Variants in NAV3 observed in about 807,000 individuals in gnomAD.
The protein encoded by NAV3 is neuron navigator 3.
In NAV3, 87 loss-of-function variants were observed where a neutral mutation model predicts 244.7. That is an observed-to-expected ratio of 0.36 (90% CI 0.30 to 0.42). The LOEUF (loss-of-function observed/expected upper bound fraction) is 0.42. NAV3 is among the 20% of genes least tolerant of loss of function. The pLI is 1.00. For missense variants in NAV3, 2,663 were observed against 2,893.3 expected (o/e 0.92, Z 1.83); for synonymous variants, 1,126 against 1,042.2 (o/e 1.08, Z -1.55).
In NAV3 at chr12:78,004,786, G is replaced by T. The variant is rs568183325; in HGVS notation, c.881-1633G>T. On this transcript the variant is annotated intron_variant, in intron 7 of 39. Transcript: ENST00000397909. Reference sequence around the variant, plus strand: ...AAGCATCTCATTGCCTCTGTATAGGGACAGGCTGTGGACAGATTTAGAGCG... The same window carrying T: ...AAGCATCTCATTGCCTCTGTATAGGTACAGGCTGTGGACAGATTTAGAGCG... Among the ~76,000 whole-genome samples, 89 of 152,244 alleles carry T rather than the reference G, an allele frequency of 5.8e-4. 2 individuals are homozygous for T. In the South Asian group the frequency reaches 0.017, roughly 30 times the overall value.
At chr12:77,840,280 T>C (rs1875412440) in intron 1 of NAV3, among the ~76,000 whole-genome samples, 1 of 152,278 alleles carries the variant, frequency 6.6e-6, no homozygotes, top group Non-Finnish European at 1.5e-5. Context: ...GGGCATTAAA[T>C]GCCATTGTAA....
intron 5 of NAV3, among the ~76,000 whole-genome samples, chr12:77,989,280 G>T (rs545637161): frequency 6.6e-6 from 1 of 152,230 alleles, no homozygotes; most frequent in Non-Finnish European, 1.5e-5. Flanking sequence ...AAACGGGATG[G>T]CAGTAATACT....
At chr12:78,154,313 G>GTATATATTGCTATATAATATTTTA in intron 22 of NAV3, among the ~76,000 whole-genome samples, 1 of 130,482 alleles carries the variant, frequency 7.7e-6, no homozygotes, top group Non-Finnish European at 1.6e-5. Flanking sequence ...ATAATATATA[G>GTATATATTGCTATATAATATTTTA]TATATATATA....
intron 1 of NAV3, among the ~76,000 whole-genome samples, chr12:77,901,582 T>C (rs1885298133): frequency 6.6e-6 from 1 of 151,952 alleles, no homozygotes; most frequent in African/African-American, 2.4e-5. Context: ...TGGTGACAGG[T>C]GCCTGTAATC....
intron 2 of NAV3, among the ~76,000 whole-genome samples, chr12:77,580,038 CATCACTG>C (rs1333872019): frequency 6.6e-6 from 1 of 152,124 alleles, no homozygotes; most frequent in African/African-American, 2.4e-5. Flanking sequence ...ACTCCTTTCT[CATCACTG>C]ACTTACTATG....
intron 2 of NAV3, among the ~76,000 whole-genome samples, chr12:77,752,385 C>G (rs1868904656): frequency 6.6e-6 from 1 of 152,046 alleles, no homozygotes; most frequent in Non-Finnish European, 1.5e-5. Context: ...CCTGAATGTA[C>G]AAATACCCAC....
At chr12:78,046,162 G>A (rs1232130043) in intron 9 of NAV3, among the ~76,000 whole-genome samples, 1 of 152,000 alleles carries the variant, frequency 6.6e-6, no homozygotes, top group Non-Finnish European at 1.5e-5. Context: ...TATCTATTTT[G>A]TTAATCTTTT....
chr12:78,177,150 T>C lies in NAV3; in HGVS notation c.5134T>C (p.Ser1712Pro). The C allele has an allele frequency of 6.2e-7, 1 of 1,613,410 alleles. No individual in the cohort carries two copies. Among genetic ancestry groups the C allele is most frequent in the South Asian group, 1.1e-5 (1 of 91,050 alleles). Residue 1712 changes from serine to proline, a missense_variant, in exon 27 of 40, where the codon TCT (serine) becomes CCT (proline). Physicochemically the swap from Ser to Pro is moderately conservative, Grantham distance 74 (BLOSUM62 -1). Around this residue, in one of 6 missense-constraint regions of NAV3, gnomAD observed 193 missense variants for 200.7 expected, o/e 0.96. Transcript: ENST00000397909. ...TCTGTCCTTGTTTCAGCTGAGAAGT[T>C]CTTTCAAACAAGCCTTTGGGAAGAA... ...VNSRGSELRS[S>P]FKQAFGKKKS...
intron 1 of NAV3, among the ~76,000 whole-genome samples, chr12:77,894,033 T>G (rs774853567): frequency 6.6e-6 from 1 of 152,186 alleles, no homozygotes; most frequent in African/African-American, 2.4e-5. Flanking sequence ...TCCTTGACCC[T>G]TACCTGGTTT....
chr12:77,808,782 G>A (rs1555207171), intron 2 of NAV3, among the ~76,000 whole-genome samples: 1 of 152,164 alleles, frequency 6.6e-6, no homozygotes. Flanking sequence ...CATAGCCCCC[G>A]CTTCCACCAG....
At chr12:78,203,840 C>CTTT (rs11457084) in intron 38 of NAV3, among the ~76,000 whole-genome samples, 8 of 142,550 alleles carry the variant, frequency 5.6e-5, no homozygotes, top group Non-Finnish European at 1.1e-4. Flanking sequence ...TAATATTATA[C>CTTT]TTTTTTTTTT....
At chr12:77,714,538 A>C (rs1041598391) in intron 2 of NAV3, among the ~76,000 whole-genome samples, 1 of 152,166 alleles carries the variant, frequency 6.6e-6, no homozygotes, top group Non-Finnish European at 1.5e-5. Context: ...TTACTCCGCC[A>C]GTAATTAATT....
intron 9 of NAV3, among the ~76,000 whole-genome samples, chr12:78,024,992 A>C (rs1049786888): frequency 6.6e-6 from 1 of 151,016 alleles, no homozygotes; most frequent in African/African-American, 2.4e-5. Context: ...AGGGGGAAAA[A>C]AAAAGCCACA....
At chr12:77,976,767 C>T (rs1868516787) in intron 5 of NAV3, among the ~76,000 whole-genome samples, 1 of 150,012 alleles carries the variant, frequency 6.7e-6, no homozygotes, top group Admixed American at 6.7e-5. Context: ...CAACCTTCCC[C>T]TCCCGGGTTC....
chr12:78,189,368 T>C lies in NAV3; in HGVS notation c.6055+591T>C, dbSNP rs60669525. 2.3e-3 allele frequency among the ~76,000 whole-genome samples: 357 copies of C among 151,974 alleles called. 11 individuals are homozygous for C. The East Asian group carries it at 0.052, about 22-fold the overall frequency. On this transcript the variant is annotated intron_variant, in intron 33 of 39. Transcript: ENST00000397909. The stretch of plus-strand genomic sequence containing the variant: ...GAGTTAATAGAGGAATTTGTCAATA[T>C]TTGATTTTATGATGAAGGTAATTGA...
chr12:77,608,313 A>G (rs562992663), intron 2 of NAV3, among the ~76,000 whole-genome samples: 39 of 152,208 alleles, frequency 2.6e-4, no homozygotes, highest in Admixed American at 1.3e-3. Context: ...TTGTTCCCAT[A>G]TTTGTTGTTG....
upstream of NAV3, among the ~76,000 whole-genome samples, chr12:77,827,668 T>C (rs571050288): frequency 1.4e-4 from 21 of 152,342 alleles, no homozygotes; most frequent in Admixed American, 1.4e-3. Flanking sequence ...TTTCTAATTC[T>C]CATGACTGTA....
intron 17 of NAV3, among the ~76,000 whole-genome samples, chr12:78,128,493 T>G (rs1956022032): frequency 6.6e-6 from 1 of 152,150 alleles, no homozygotes; most frequent in Non-Finnish European, 1.5e-5. Context: ...GAAGCATAAT[T>G]TTCTCCTCAA....
At chr12:77,742,652 A>G (rs774276626) in intron 2 of NAV3, among the ~76,000 whole-genome samples, 2 of 152,088 alleles carry the variant, frequency 1.3e-5, no homozygotes, top group African/African-American at 4.8e-5. Context: ...CACAAACACA[A>G]ATTGTACATG....
Sources: gnomAD v4.1 joint callset for allele counts (sites outside exome capture counted in the v4.1 genomes callset) on GRCh38, gnomAD v4.1.1 for gene constraint, gnomAD v4.1.1 regional missense constraint, MANE v1.5 for transcripts, NCBI Gene and HGNC (gene_info 2026-07-23, HGNC 2026-07-21) for gene names.